MYO15A: variants seen among roughly 807,000 people sequenced by gnomAD.
The protein encoded by MYO15A is unconventional myosin-XV.
In MYO15A, 308 loss-of-function variants were observed where a neutral mutation model predicts 394.6. That is an observed-to-expected ratio of 0.78 (90% CI 0.71 to 0.86). MYO15A has a LOEUF of 0.86. MYO15A is among the 40% of genes least tolerant of loss of function. The probability of loss-of-function intolerance (pLI) is 0.00; values close to 1 mark genes in which losing one functional copy is unlikely to be tolerated. For synonymous variants in MYO15A, 1,957 were observed against 2,003.8 expected (o/e 0.98, Z 0.62); for missense variants, 4,606 against 4,799.1 (o/e 0.96, Z 1.19).
In MYO15A at chr17:18,119,631, C is replaced by T. The variant is rs755527568; in HGVS notation, c.831C>T (p.His277=). ...CGGCCTGGCCACCCTACGGCGACCA[C>T]TACTACGGGTACCCGCCCGAGGATC... The part of the protein sequence containing the change: ...YSPAWPPYGD[H]YYGYPPEDPY... The change falls in exon 2 of 66, where the codon CAC becomes CAT. Residue 277 remains histidine, a synonymous_variant. Coordinates refer to ENST00000647165, the MANE Select transcript of MYO15A (RefSeq NM_016239.4). The T allele has an allele frequency of 5.6e-6, 9 of 1,603,266 alleles. No homozygotes were observed. Among genetic ancestry groups the T allele is most frequent in the Non-Finnish European group, 6.8e-6 (8 of 1,179,922 alleles).
chr17:18,131,477 C>G lies in MYO15A; in HGVS notation c.4152C>G (p.Ile1384Met), dbSNP rs367808745. The part of the protein sequence containing the change: ...FVEIFLEGGV[I>M]SGAITSQYLL... ...GTGCTCCCCACCCCAGGGGCGTGAT[C>G]TCTGGTGCCATAACCTCCCAGTACC... Residue 1384 changes from isoleucine to methionine, a missense_variant, in exon 10 of 66, where the codon ATC becomes ATG. By Grantham distance (10) the Ile-to-Met change is conservative. Around this residue, in one of 2 missense-constraint regions of MYO15A, gnomAD observed 2,776 missense variants for 3,109.3 expected, o/e 0.89. Transcript: ENST00000647165. 151 of 1,613,928 alleles carry G rather than the reference C, an allele frequency of 9.4e-5. No homozygotes were observed. The highest frequency in any genetic ancestry group is 1.2e-4 in the Non-Finnish European group (145 of 1,180,004).
intron 62 of MYO15A, among the ~76,000 whole-genome samples, chr17:18,169,157 T>TAATAATAATA (rs369888022): frequency 4.3e-5 from 4 of 92,148 alleles, no homozygotes; most frequent in Non-Finnish European, 9.6e-5. Context: ...ATAATAATAA[T>TAATAATAATA]AAAAATAGGC....
intron 16 of MYO15A, 67 bp from the exon 17 acceptor site, chr17:18,138,048 G>C: frequency 6.4e-7 from 1 of 1,554,554 alleles, no homozygotes; most frequent in African/African-American, 1.4e-5. Context: ...GATTCAACAT[G>C]GGAGGGAGGG....
At chr17:18,160,101 G>A in intron 56 of MYO15A, 84 bp downstream of exon 56, 5 of 1,307,742 alleles carry the variant, frequency 3.8e-6, no homozygotes, top group Non-Finnish European at 5.4e-6. Context: ...ACCTCCTCAG[G>A]CCTGACCCCT....
In MYO15A at chr17:18,118,626, C is replaced by A; in HGVS notation, c.-175C>A. 1.1e-6 allele frequency: 1 copy of A among 874,686 alleles called. No homozygotes were observed. 54.2% of individuals were successfully genotyped at this position (874,686 alleles called of 1,614,324 possible). The stretch of plus-strand genomic sequence containing the variant: ...TAGAGGAGATGAATTATGGATCCGC[C>A]CTCCCGGAATCCTGGCTCGGCCCTC... On this transcript the variant is annotated 5_prime_UTR_variant, in exon 2 of 66. Coordinates refer to ENST00000647165, the MANE Select transcript of MYO15A (RefSeq NM_016239.4).
chr17:18,138,184 C>G lies in MYO15A; in HGVS notation c.4945C>G (p.Leu1649Val). Residue 1649 changes from leucine (L) to valine (V), a missense_variant, in exon 17 of 66, where the codon CTC (leucine) becomes GTC (valine). This residue lies in a region of MYO15A where 2,776 missense variants were observed against 3,109.3 expected (regional missense o/e 0.89). Transcript: ENST00000647165. ...TFADNQPCIN[L>V]ISLKPYGILR... ...TGCTGACAACCAGCCCTGCATCAAC[C>G]TCATCTCACTGAAGCCTTATGGCAT... is the stretch of plus-strand genomic sequence containing the variant. The G allele has an allele frequency of 6.2e-7, 1 of 1,613,828 alleles. No individual in the cohort carries two copies. The highest frequency in any genetic ancestry group is 8.5e-7 in the Non-Finnish European group (1 of 1,180,000).
In MYO15A at chr17:18,120,571, G is replaced by A; in HGVS notation, c.1771G>A (p.Gly591Ser). 1 of 1,599,900 alleles carries A rather than the reference G, an allele frequency of 6.3e-7. No individual in the cohort carries two copies. The highest frequency in any genetic ancestry group is 8.5e-7 in the Non-Finnish European group (1 of 1,175,364). ...GAAGAAGCCCATCGCGCGGCTCAGG[G>A]GCAGCCAGAAGGCCCGGGCGGGCGG... is the stretch of plus-strand genomic sequence containing the variant. ...SEKKPIARLR[G>S]SQKARAGGPA... Residue 591 changes from glycine to serine, a missense_variant, in exon 2 of 66, where the codon GGC becomes AGC. By Grantham distance (56) the Gly-to-Ser change is moderately conservative. Around this residue, in one of 2 missense-constraint regions of MYO15A, gnomAD observed 1,830 missense variants for 1,689.7 expected, o/e 1.08. Coordinates refer to ENST00000647165, the MANE Select transcript of MYO15A (RefSeq NM_016239.4).
At chr17:18,152,039 G>A in intron 41 of MYO15A, 73 bp from the exon 42 acceptor site, 3 of 1,542,414 alleles carry the variant, frequency 1.9e-6, no homozygotes. Flanking sequence ...ACCCCTATAA[G>A]CTGTGGCCCT....
chr17:18,162,085 A>G (rs1015756196), intron 57 of MYO15A, among the ~76,000 whole-genome samples: 3 of 152,262 alleles, frequency 2.0e-5, no homozygotes, highest in Non-Finnish European at 4.4e-5. Flanking sequence ...CCAGCTCCCT[A>G]TGGAAGAGCT....
Position 18,159,944 on chromosome 17 carries a change from G to C in MYO15A, c.9313G>C (p.Asp3105His). 6 of 1,614,082 alleles carry C rather than the reference G, an allele frequency of 3.7e-6. No homozygotes were observed. The highest frequency in any genetic ancestry group is 5.1e-6 in the Non-Finnish European group (6 of 1,179,986). ...VLCNLLKLCG[D>H]HEVMRDECYC... Reference sequence around the variant, plus strand: ...CCCTGCCCCCCTTCAGCTGTGCGGGGACCATGAGGTCATGCGGGATGAATG... The same window carrying C: ...CCCTGCCCCCCTTCAGCTGTGCGGGCACCATGAGGTCATGCGGGATGAATG... The change falls in exon 56 of 66, where the codon GAC becomes CAC. Residue 3105 changes from aspartate (D) to histidine (H), a missense_variant. By Grantham distance (81) the Asp-to-His change is moderately conservative. Coordinates refer to ENST00000647165, the MANE Select transcript of MYO15A (RefSeq NM_016239.4).
Position 18,120,996 on chromosome 17 carries a change from C to T in MYO15A, c.2196C>T (p.Pro732=). ...VEPPAVSPEV[P]PDLLAFPGPR... is the part of the protein sequence containing the mutation. ...CCCCTGCCGTGAGCCCGGAGGTGCCCCCCGACCTACTAGCCTTCCCAGGGC... is the reference window on the plus strand; with the variant it reads ...CCCCTGCCGTGAGCCCGGAGGTGCCTCCCGACCTACTAGCCTTCCCAGGGC... The change falls in exon 2 of 66, where the codon CCC becomes CCT. Residue 732 remains proline, a synonymous_variant. Coordinates refer to ENST00000647165, the MANE Select transcript of MYO15A (RefSeq NM_016239.4). 6.6e-7 allele frequency: 1 copy of T among 1,506,926 alleles called. No individual in the cohort carries two copies. The highest frequency in any genetic ancestry group is 8.8e-7 in the Non-Finnish European group (1 of 1,132,902). 93.3% of individuals were successfully genotyped at this position (1,506,926 alleles called of 1,614,324 possible).
rs2142271780 is a variant in MYO15A at position 18,124,506 on chromosome 17, A to G, written c.3633A>G (p.Pro1211=). ...AGATGCACTCCATCCGCAACCTGCC[A>G]TCCATGCGGTTCCGTGAGCAGCACG... ...RNKMHSIRNL[P]SMRFREQHGE... The change falls in exon 3 of 66, where the codon CCA becomes CCG. Residue 1211 remains proline, a synonymous_variant. Coordinates refer to ENST00000647165, the MANE Select transcript of MYO15A (RefSeq NM_016239.4). 1 of 1,612,860 alleles carries G rather than the reference A, an allele frequency of 6.2e-7. No individual in the cohort carries two copies. Among genetic ancestry groups the G allele is most frequent in the East Asian group, 2.2e-5 (1 of 44,892 alleles).
intron 2 of MYO15A, chr17:18,124,229 C>A: frequency 1.8e-6 from 1 of 569,268 alleles, no homozygotes. Flanking sequence ...TGTTCACCCC[C>A]TAGGGCAGGA....
Position 18,120,828 on chromosome 17 carries a change from C to A in MYO15A, c.2028C>A (p.Pro676=), listed in dbSNP as rs577023485. The change falls in exon 2 of 66, where the codon CCC becomes CCA. Residue 676 remains proline, a synonymous_variant. Transcript: ENST00000647165. ...PPRPPSSGPP[P]APPLSPALSG... is the part of the protein sequence containing the mutation. ...GGCCCCCAAGCTCCGGGCCCCCGCC[C>A]GCGCCGCCGCTCTCCCCGGCGCTCT... is the stretch of plus-strand genomic sequence containing the variant. The A allele has an allele frequency of 0.012, 14,401 of 1,173,212 alleles. 95 individuals carry two copies. The highest frequency in any genetic ancestry group is 0.014 in the Non-Finnish European group (13,511 of 950,432). 72.7% of individuals were successfully genotyped at this position (1,173,212 alleles called of 1,614,324 possible). A position where few individuals can be genotyped will look rare whatever the true frequency, so the allele number is the denominator to read the frequency against.
intron 1 of MYO15A, chr17:18,109,899 T>C (rs985020079): frequency 1.3e-5 from 2 of 152,250 alleles, no homozygotes; most frequent in Non-Finnish European, 2.9e-5. Context: ...GATTCCACAG[T>C]TTCTCATTTC....
At chr17:18,158,702 A>G in intron 52 of MYO15A, 64 bp downstream of exon 52, 1 of 1,569,594 alleles carries the variant, frequency 6.4e-7, no homozygotes, top group East Asian at 2.2e-5. Context: ...CTGCCATCCA[A>G]ACTGCAGGCT....
chr17:18,140,894 G>A (rs1486500004), intron 21 of MYO15A, 62 bp downstream of exon 21: 2 of 1,613,216 alleles, frequency 1.2e-6, no homozygotes, highest in African/African-American at 2.7e-5. Flanking sequence ...TGTGACCTTG[G>A]GCAAGTGGCT....
At chr17:18,122,460 CAG>C (rs1428454162) in intron 2 of MYO15A, 51 bp downstream of exon 2, 8 of 1,582,738 alleles carry the variant, frequency 5.1e-6, no homozygotes, top group African/African-American at 4.1e-5. Context: ...GCCTAGGAAA[CAG>C]GGCAAGAGAG....
In MYO15A at chr17:18,141,062, G is replaced by A. The variant is rs753773155; in HGVS notation, c.5450G>A (p.Arg1817His). ...FEPDVVMAQL[R>H]YSGVLETVRI... is the part of the protein sequence containing the mutation. ...CCAGATGTGGTAATGGCACAATTAC[G>A]CTATTCAGGGGTGCTGGAGACCGTG... is the stretch of plus-strand genomic sequence containing the variant. Residue 1817 changes from arginine (R) to histidine (H), a missense_variant, in exon 22 of 66, where the codon CGC becomes CAC. By Grantham distance (29) the Arg-to-His change is conservative. This residue lies in a region of MYO15A where 2,776 missense variants were observed against 3,109.3 expected (regional missense o/e 0.89). Coordinates refer to ENST00000647165, the MANE Select transcript of MYO15A (RefSeq NM_016239.4). 3.1e-6 allele frequency: 5 copies of A among 1,614,048 alleles called. No individual in the cohort carries two copies. Among genetic ancestry groups the A allele is most frequent in the South Asian group, 1.1e-5 (1 of 91,090 alleles).
Sources: gnomAD v4.1 joint callset for allele counts (sites outside exome capture counted in the v4.1 genomes callset) on GRCh38, gnomAD v4.1.1 for gene constraint, gnomAD v4.1.1 regional missense constraint, MANE v1.5 for transcripts, NCBI Gene and HGNC (gene_info 2026-07-23, HGNC 2026-07-21) for gene names.